Variants in ITPKB observed in about 807,000 individuals in gnomAD.
ITPKB encodes the protein IP3 3-kinase B.
Under a neutral mutation model 69.4 loss-of-function variants are expected in ITPKB, and 13 were observed. The observed-to-expected ratio is 0.19, with a 90% CI of 0.12 to 0.30. ITPKB has a LOEUF of 0.30. Ranked by LOEUF, ITPKB falls within the 10% of genes least tolerant of loss-of-function variation. The pLI, the probability that ITPKB is intolerant of heterozygous loss-of-function variation, is 1.00. For synonymous variants in ITPKB, 584 were observed against 513.7 expected (o/e 1.14, Z -1.85); for missense variants, 1,240 against 1,250.5 (o/e 0.99, Z 0.13).
At chr1:226,635,181 T>C (rs1668805735) in intron 7 of ITPKB, among the ~76,000 whole-genome samples, 6 of 152,010 alleles carry the variant, frequency 3.9e-5, no homozygotes, top group Non-Finnish European at 8.8e-5. Context: ...TCCCTCTTTC[T>C]TTCCTTCCTT....
rs1668964306 is a variant in ITPKB, at chr1:226,641,642, G to C, written c.2451+279C>G. Among the ~76,000 whole-genome samples the C allele has an allele frequency of 1.3e-5, 2 of 152,230 alleles. No individual in the cohort carries two copies. Among genetic ancestry groups the C allele is most frequent in the Non-Finnish European group, 2.9e-5 (2 of 68,054 alleles). On this transcript the variant is annotated intron_variant, in intron 5 of 7. Coordinates refer to ENST00000429204, the MANE Select transcript of ITPKB (RefSeq NM_002221.4). The surrounding 1 kb of genome is among the most constrained non-coding windows in gnomAD (Gnocchi z 4.6). ...GCAGGTGCCTCTCGCCTGGCTTTCG[G>C]TGCCAGGCACCGTCTGGGCTAAATG...
intron 4 of ITPKB, among the ~76,000 whole-genome samples, chr1:226,644,300 G>A (rs1354240540): frequency 2.0e-5 from 3 of 152,186 alleles, no homozygotes; most frequent in African/African-American, 7.2e-5. Flanking sequence ...CTGCCTGCCC[G>A]AGACAAAGTC....
intron 2 of ITPKB, among the ~76,000 whole-genome samples, chr1:226,688,774 C>G (rs777541551): frequency 5.3e-5 from 8 of 152,160 alleles, no homozygotes; most frequent in Non-Finnish European, 1.0e-4. Context: ...ACAAAACCAC[C>G]CAAGGACGCT....
At chr1:226,652,030 T>C (rs1255882572) in intron 2 of ITPKB, among the ~76,000 whole-genome samples, 1 of 152,242 alleles carries the variant, frequency 6.6e-6, no homozygotes, top group Non-Finnish European at 1.5e-5. Context: ...GCACTTGCAC[T>C]GGAGACCTCT....
At chr1:226,678,048 A>C (rs1287464884) in intron 2 of ITPKB, among the ~76,000 whole-genome samples, 1 of 152,124 alleles carries the variant, frequency 6.6e-6, no homozygotes, top group East Asian at 1.9e-4. Context: ...CGAAGGAATT[A>C]AAAAAAAGAA....
intron 2 of ITPKB, among the ~76,000 whole-genome samples, chr1:226,703,997 C>CCCAACTCCAA (rs1329842180): frequency 1.3e-5 from 2 of 152,122 alleles, no homozygotes; most frequent in Non-Finnish European, 2.9e-5. Flanking sequence ...TGACACTGTG[C>CCCAACTCCAA]CCAACTCCAC....
intron 2 of ITPKB, among the ~76,000 whole-genome samples, chr1:226,700,459 C>A (rs1656608309): frequency 2.3e-5 from 2 of 86,466 alleles, no homozygotes; most frequent in Admixed American, 2.0e-4. Context: ...CGGAGCAAGA[C>A]TCCGTCAAAA....
At chr1:226,712,387 G>A (rs1215338578) in intron 2 of ITPKB, among the ~76,000 whole-genome samples, 1 of 152,232 alleles carries the variant, frequency 6.6e-6, no homozygotes, top group Non-Finnish European at 1.5e-5. Flanking sequence ...GTAAGTGGGT[G>A]TTCATAGCTA....
chr1:226,652,178 A>G (rs1465135350), intron 2 of ITPKB, among the ~76,000 whole-genome samples: 1 of 152,230 alleles, frequency 6.6e-6, no homozygotes, highest in Non-Finnish European at 1.5e-5. Context: ...GGAGGGAAGG[A>G]GGGCTGCAGG....
chr1:226,688,288 G>A (rs1191265532), intron 2 of ITPKB, among the ~76,000 whole-genome samples: 1 of 152,192 alleles, frequency 6.6e-6, no homozygotes, highest in Non-Finnish European at 1.5e-5. Context: ...TGCTGGCACT[G>A]GAAATGCAAA....
chr1:226,689,800 C>G (rs1295444917), intron 2 of ITPKB, among the ~76,000 whole-genome samples: 1 of 152,164 alleles, frequency 6.6e-6, no homozygotes, highest in Non-Finnish European at 1.5e-5. Context: ...GCCCCAGTAT[C>G]TGTTGTTCCC....
At chr1:226,729,886 C>T (rs181679838) in intron 2 of ITPKB, among the ~76,000 whole-genome samples, 110 of 152,282 alleles carry the variant, frequency 7.2e-4, no homozygotes, top group African/African-American at 2.6e-3. Context: ...TGAACCACCA[C>T]ACCTGGCCTA....
chr1:226,704,038 C>T (rs1364375238), intron 2 of ITPKB, among the ~76,000 whole-genome samples: 1 of 152,104 alleles, frequency 6.6e-6, no homozygotes, highest in East Asian at 1.9e-4. Context: ...CGGTTCTGCC[C>T]GAAACCCATC....
chr1:226,736,403 A>G lies in ITPKB; in HGVS notation c.1056T>C (p.Ser352=). 6.2e-7 allele frequency: 1 copy of G among 1,612,238 alleles called. No individual in the cohort carries two copies. The highest frequency in any genetic ancestry group is 8.5e-7 in the Non-Finnish European group (1 of 1,179,906). ...LVERQGQFLG[S]ETSPAPERGG... is the part of the protein sequence containing the mutation. Reference sequence around the variant, plus strand: ...CCCTTTCTGGGGCTGGGCTTGTCTCACTGCCCAGAAACTGCCCCTGCCTCT... The same window carrying G: ...CCCTTTCTGGGGCTGGGCTTGTCTCGCTGCCCAGAAACTGCCCCTGCCTCT... The change falls in exon 2 of 8, where the codon AGT becomes AGC. Residue 352 remains serine, a synonymous_variant. Transcript: ENST00000429204.
chr1:226,725,493 T>C (rs934971363), intron 2 of ITPKB, among the ~76,000 whole-genome samples: 4 of 152,204 alleles, frequency 2.6e-5, no homozygotes, highest in South Asian at 2.1e-4. Context: ...CTCAAGACTT[T>C]GCTGAATTCC....
chr1:226,738,027 G>A lies in ITPKB; in HGVS notation c.-205-364C>T, dbSNP rs996745746. Among the ~76,000 whole-genome samples the A allele has an allele frequency of 6.6e-6, 1 of 152,182 alleles. No homozygotes were observed. Among genetic ancestry groups the A allele is most frequent in the Non-Finnish European group, 1.5e-5 (1 of 68,022 alleles). On this transcript the variant is annotated intron_variant, in intron 1 of 7. Transcript: ENST00000429204. The surrounding 1 kb of genome is among the most constrained non-coding windows in gnomAD (Gnocchi z 4.2). ...GCGGCTGACTCAGCTCTCCCGGGCTGAGGACACCCCAGCCACCGTCTCCGG... is the reference window on the plus strand; with the variant it reads ...GCGGCTGACTCAGCTCTCCCGGGCTAAGGACACCCCAGCCACCGTCTCCGG...
At position 226,737,280 on chromosome 1, in the gene ITPKB, G is replaced by C. The variant is rs745414158; in HGVS notation, c.179C>G (p.Pro60Arg). 5.8e-6 allele frequency: 9 copies of C among 1,556,370 alleles called. No homozygotes were observed. Among genetic ancestry groups the C allele is most frequent in the East Asian group, 4.8e-5 (2 of 41,976 alleles). Residue 60 changes from proline to arginine, a missense_variant, in exon 2 of 8, where the codon CCA (proline) becomes CGA (arginine). Transcript: ENST00000429204. Reference protein sequence around the residue: ...PGRGASFLFPPAESLSPEEPR... With the variant: ...PGRGASFLFPRAESLSPEEPR... ...CTCCTCGGGGGACAGCGACTCGGCT[G>C]GGGGGAAGAGGAAAGAGGCGCCTCT...
At chr1:226,658,581 T>G (rs1407911174) in intron 2 of ITPKB, among the ~76,000 whole-genome samples, 5 of 151,418 alleles carry the variant, frequency 3.3e-5, no homozygotes, top group Non-Finnish European at 7.4e-5. Context: ...AACAAGAAAA[T>G]CCCCCTAAAT....
chr1:226,727,999 C>T (rs752172602), intron 2 of ITPKB, among the ~76,000 whole-genome samples: 1 of 152,146 alleles, frequency 6.6e-6, no homozygotes, highest in East Asian at 1.9e-4. Context: ...GTGAGCTTCA[C>T]GAGGAAGGAT....
Sources: allele counts gnomAD v4.1 joint callset (sites outside exome capture counted in the v4.1 genomes callset), GRCh38; gene constraint gnomAD v4.1.1; non-coding constraint Gnocchi (gnomAD v3.1); transcripts MANE v1.5; gene names NCBI Gene and HGNC (gene_info 2026-07-23, HGNC 2026-07-21).